APBB1IP: variants seen among roughly 807,000 people sequenced by gnomAD.
APBB1IP encodes amyloid beta A4 precursor protein-binding family B member 1-interacting protein.
In APBB1IP, 27 loss-of-function variants were observed where a neutral mutation model predicts 64.9. The observed-to-expected ratio is 0.42, with a 90% CI of 0.31 to 0.57. APBB1IP has a LOEUF of 0.57. Among genes scored for constraint, APBB1IP ranks in the 20% least tolerant of loss-of-function variants. The probability of loss-of-function intolerance (pLI) is 0.20; values close to 1 mark genes in which losing one functional copy is unlikely to be tolerated. For missense variants in APBB1IP, 812 were observed against 845.5 expected (o/e 0.96, Z 0.49); for synonymous variants, 392 against 331.0 (o/e 1.18, Z -2.00).
Position 26,492,346 on chromosome 10 carries a change from A to G in APBB1IP, c.20A>G (p.Asp7Gly). 1 of 1,614,122 alleles carries G rather than the reference A, an allele frequency of 6.2e-7. No individual in the cohort carries two copies. Among genetic ancestry groups the G allele is most frequent in the Non-Finnish European group, 8.5e-7 (1 of 1,179,974 alleles). The change falls in exon 3 of 15, where the codon GAC (aspartate) becomes GGC (glycine). Residue 7 changes from aspartate to glycine, a missense_variant. Physicochemically the swap from Asp to Gly is moderately conservative, Grantham distance 94 (BLOSUM62 -1). This residue lies in a region of APBB1IP where 394 missense variants were observed against 413.1 expected (regional missense o/e 0.95). Transcript: ENST00000376236. MGESSE[D>G]IDQMFSTLLG... ...TTTCAGATGGGTGAGTCAAGTGAAG[A>G]CATAGACCAAATGTTCAGCACTTTG...
At chr10:26,457,332 G>T (rs1272047541) in intron 2 of APBB1IP, among the ~76,000 whole-genome samples, 1 of 152,098 alleles carries the variant, frequency 6.6e-6, no homozygotes, top group East Asian at 1.9e-4. Flanking sequence ...TAAGAGACAG[G>T]GTCTAACTCT....
intron 3 of APBB1IP, among the ~76,000 whole-genome samples, chr10:26,495,731 T>C (rs893273818): frequency 7.3e-5 from 11 of 151,296 alleles, no homozygotes. Context: ...ACTCATAGGT[T>C]TGCTTGGCTA....
chr10:26,452,294 C>G (rs1291526653), intron 2 of APBB1IP, among the ~76,000 whole-genome samples: 1 of 152,128 alleles, frequency 6.6e-6, no homozygotes, highest in Non-Finnish European at 1.5e-5. Flanking sequence ...AATGACTTGC[C>G]CAAGGTCATC....
intron 8 of APBB1IP, among the ~76,000 whole-genome samples, chr10:26,515,113 C>G (rs1245187510): frequency 6.6e-6 from 1 of 150,502 alleles, no homozygotes; most frequent in Admixed American, 6.7e-5. Context: ...GATCTCCTGA[C>G]CTCGTGATCC....
chr10:26,461,758 A>G (rs1024422660), intron 2 of APBB1IP, among the ~76,000 whole-genome samples: 1 of 151,650 alleles, frequency 6.6e-6, no homozygotes, highest in Non-Finnish European at 1.5e-5. Context: ...TTATCCATAT[A>G]GTTTTATTAT....
At chr10:26,531,126 G>A (rs987266633) in intron 8 of APBB1IP, among the ~76,000 whole-genome samples, 1 of 152,044 alleles carries the variant, frequency 6.6e-6, no homozygotes. Flanking sequence ...GCTGAGGGGG[G>A]CAGTTTGAGA....
At chr10:26,538,151 A>T (rs969412995) in intron 10 of APBB1IP, among the ~76,000 whole-genome samples, 16 of 152,196 alleles carry the variant, frequency 1.1e-4, no homozygotes, top group Non-Finnish European at 1.3e-4. Context: ...AACCAAATAA[A>T]TGTATTAACT....
intron 4 of APBB1IP, among the ~76,000 whole-genome samples, chr10:26,500,448 C>A (rs79840977): frequency 1.1e-4 from 17 of 152,106 alleles, no homozygotes; most frequent in African/African-American, 2.4e-4. Flanking sequence ...AATGCTCCCC[C>A]CTCTGCTACT....
intron 6 of APBB1IP, among the ~76,000 whole-genome samples, chr10:26,509,295 GAA>G (rs144214846): frequency 2.6e-5 from 4 of 151,718 alleles, no homozygotes; most frequent in African/African-American, 7.3e-5. Flanking sequence ...TTTCAAGGGG[GAA>G]AAAAAAGTGT....
chr10:26,464,465 A>G (rs1025983276), intron 2 of APBB1IP, among the ~76,000 whole-genome samples: 1 of 152,282 alleles, frequency 6.6e-6, no homozygotes, highest in South Asian at 2.1e-4. Context: ...CAGTGGCACA[A>G]TCATGGTCCA....
At chr10:26,505,299 T>C (rs556518222) in intron 6 of APBB1IP, among the ~76,000 whole-genome samples, 72 of 152,318 alleles carry the variant, frequency 4.7e-4, no homozygotes, top group Admixed American at 9.2e-4. Context: ...CTTCCCAGAT[T>C]AGTCTGGTTC....
intron 8 of APBB1IP, among the ~76,000 whole-genome samples, chr10:26,521,910 C>G (rs1004458524): frequency 1.3e-5 from 2 of 152,126 alleles, no homozygotes; most frequent in African/African-American, 4.8e-5. Context: ...GCCACCATGC[C>G]CAGCTAATTT....
Position 26,492,351 on chromosome 10 carries a change from G to A in APBB1IP, c.25G>A (p.Asp9Asn), listed in dbSNP as rs1224943954. The change falls in exon 3 of 15, where the codon GAC becomes AAC. Residue 9 changes from aspartate (D) to asparagine (N), a missense_variant. This residue lies in a region of APBB1IP where 394 missense variants were observed against 413.1 expected (regional missense o/e 0.95). Coordinates refer to ENST00000376236, the MANE Select transcript of APBB1IP (RefSeq NM_019043.4). ...GATGGGTGAGTCAAGTGAAGACATA[G>A]ACCAAATGTTCAGCACTTTGCTGGG... The part of the protein sequence containing the change: MGESSEDI[D>N]QMFSTLLGEM... 2 of 1,614,024 alleles carry A rather than the reference G, an allele frequency of 1.2e-6. No individual in the cohort carries two copies. The highest frequency in any genetic ancestry group is 2.2e-5 in the East Asian group (1 of 44,862).
intron 11 of APBB1IP, 125 bp downstream of exon 11, chr10:26,541,817 G>A (rs887006759): frequency 4.9e-6 from 3 of 612,408 alleles, no homozygotes; most frequent in Admixed American, 3.8e-5. Flanking sequence ...AACCAAAATA[G>A]GAATGAGGGA....
chr10:26,492,501 G>A (rs776730872), intron 3 of APBB1IP, 103 bp downstream of exon 3: 85 of 1,004,478 alleles, frequency 8.5e-5, no homozygotes, highest in Middle Eastern at 7.1e-4. Flanking sequence ...CCCTGATATC[G>A]GGGGAACCAG....
chr10:26,531,708 T>G (rs1836557049), intron 8 of APBB1IP, among the ~76,000 whole-genome samples: 1 of 152,154 alleles, frequency 6.6e-6, no homozygotes, highest in Non-Finnish European at 1.5e-5. Context: ...TTATGCATTG[T>G]ATTTCAAGGA....
chr10:26,552,225 C>T (rs1369746745), intron 11 of APBB1IP, among the ~76,000 whole-genome samples: 1 of 152,148 alleles, frequency 6.6e-6, no homozygotes, highest in African/African-American at 2.4e-5. Context: ...CCCTTGAGCC[C>T]ACATTCAAGG....
intron 11 of APBB1IP, among the ~76,000 whole-genome samples, chr10:26,552,744 G>A (rs1418000313): frequency 6.6e-6 from 1 of 152,166 alleles, no homozygotes; most frequent in African/African-American, 2.4e-5. Context: ...CCTACCTCCT[G>A]ACTCTCCATC....
intron 14 of APBB1IP, among the ~76,000 whole-genome samples, chr10:26,565,254 G>A (rs1410508902): frequency 2.0e-5 from 3 of 152,188 alleles, no homozygotes; most frequent in African/African-American, 7.2e-5. Context: ...GTGTGGAATA[G>A]GAGCAAGATA....
Sources: gnomAD v4.1 joint callset for allele counts (sites outside exome capture counted in the v4.1 genomes callset) on GRCh38, gnomAD v4.1.1 for gene constraint, gnomAD v4.1.1 regional missense constraint, MANE v1.5 for transcripts, NCBI Gene and HGNC (gene_info 2026-07-23, HGNC 2026-07-21) for gene names.